The following SEMA5A variants were observed in gnomAD, a reference collection of about 807,000 sequenced individuals.
SEMA5A encodes the protein semaphorin 5A.
SEMA5A carries 55 observed loss-of-function variants against 135.5 expected under a neutral mutation model. The observed-to-expected ratio is 0.41, with a 90% confidence interval of 0.33 to 0.51. The LOEUF is 0.51. Ranked by LOEUF, SEMA5A falls within the 20% of genes least tolerant of loss-of-function variation. The probability of loss-of-function intolerance (pLI) is 0.37; values close to 1 mark genes in which losing one functional copy is unlikely to be tolerated. For missense variants in SEMA5A, 1,290 were observed against 1,419.9 expected (o/e 0.91, Z 1.47); for synonymous variants, 580 against 546.5 (o/e 1.06, Z -0.85).
chr5:9,463,242 C>G (rs577429671), intron 1 of SEMA5A, among the ~76,000 whole-genome samples: 168 of 152,082 alleles, frequency 1.1e-3, no homozygotes, highest in African/African-American at 4.0e-3. Flanking sequence ...ACAACGAATT[C>G]TAAATAAAAG....
intron 1 of SEMA5A, among the ~76,000 whole-genome samples, chr5:9,500,630 C>T (rs1265650146): frequency 2.0e-5 from 3 of 152,068 alleles, no homozygotes. Flanking sequence ...TACAGGACAC[C>T]CAGTTCAATT....
At chr5:9,510,988 G>T (rs1268083586) in intron 1 of SEMA5A, among the ~76,000 whole-genome samples, 1 of 152,062 alleles carries the variant, frequency 6.6e-6, no homozygotes, top group African/African-American at 2.4e-5. Flanking sequence ...GTTGTCTTAG[G>T]CCATTCAAAT....
intron 21 of SEMA5A, among the ~76,000 whole-genome samples, chr5:9,045,114 T>C (rs1436083043): frequency 1.3e-5 from 2 of 152,184 alleles, no homozygotes; most frequent in East Asian, 3.9e-4. Flanking sequence ...TTCATTCTCT[T>C]ATGAATGATA....
chr5:9,111,669 T>C lies in SEMA5A; in HGVS notation c.1926-3382A>G, dbSNP rs567808651. Among the ~76,000 whole-genome samples the C allele has an allele frequency of 6.6e-5, 10 of 152,236 alleles. No homozygotes were observed. The East Asian group carries it at 7.7e-4, about 12-fold the overall frequency. On this transcript the variant is annotated intron_variant, in intron 15 of 22. Coordinates refer to ENST00000382496, the MANE Select transcript of SEMA5A (RefSeq NM_003966.3). ...ACCCTCTGAAATTGCAGCCTCCCCA[T>C]TGAGAGAGGTCAGAGGGAAATAGAA...
At chr5:9,228,637 C>T (rs1747453400) in intron 6 of SEMA5A, among the ~76,000 whole-genome samples, 1 of 152,180 alleles carries the variant, frequency 6.6e-6, no homozygotes, top group African/African-American at 2.4e-5. Context: ...AGTCAGGAAG[C>T]CAAGGAGGAA....
At chr5:9,339,525 T>A (rs1388699017) in intron 3 of SEMA5A, among the ~76,000 whole-genome samples, 1 of 151,932 alleles carries the variant, frequency 6.6e-6, no homozygotes, top group African/African-American at 2.4e-5. Flanking sequence ...GCACATTGAA[T>A]GCGATAGGAA....
At position 9,361,347 on chromosome 5, in the gene SEMA5A, C is replaced by T. The variant is rs1437751157; in HGVS notation, c.124+18476G>A. Among the ~76,000 whole-genome samples, 4 of 151,606 alleles carry T rather than the reference C, an allele frequency of 2.6e-5. No individual in the cohort carries two copies. In the South Asian group the frequency reaches 8.3e-4, roughly 32 times the overall value. Reference sequence around the variant, plus strand: ...CAACAACAACAACAAAAACTCAATTCTATGCAGCATCACATACTTTCTTCC... The same window carrying T: ...CAACAACAACAACAAAAACTCAATTTTATGCAGCATCACATACTTTCTTCC... On this transcript the variant is annotated intron_variant, in intron 3 of 22. Transcript: ENST00000382496.
intron 2 of SEMA5A, among the ~76,000 whole-genome samples, chr5:9,391,635 G>A (rs115892820): frequency 0.011 from 1,697 of 152,078 alleles, 30 homozygotes; most frequent in African/African-American, 0.039. Flanking sequence ...AATGTATACC[G>A]CACCCCTGTC....
chr5:9,205,063 A>C (rs1266295496), intron 8 of SEMA5A, among the ~76,000 whole-genome samples: 1 of 152,194 alleles, frequency 6.6e-6, no homozygotes, highest in Non-Finnish European at 1.5e-5. Context: ...TTTAGGGACC[A>C]CTGCATTACA....
At chr5:9,416,178 C>G (rs1399721334) in intron 2 of SEMA5A, among the ~76,000 whole-genome samples, 1 of 152,190 alleles carries the variant, frequency 6.6e-6, no homozygotes, top group African/African-American at 2.4e-5. Flanking sequence ...TAAACTGACT[C>G]TCAATTCCCC....
intron 6 of SEMA5A, among the ~76,000 whole-genome samples, chr5:9,232,513 T>C (rs1457663573): frequency 1.3e-5 from 2 of 152,244 alleles, no homozygotes; most frequent in Non-Finnish European, 2.9e-5. Context: ...TATGTGTGTG[T>C]GTATAAAGGT....
At chr5:9,372,407 C>T (rs1391469083) in intron 3 of SEMA5A, among the ~76,000 whole-genome samples, 1 of 152,060 alleles carries the variant, frequency 6.6e-6, no homozygotes, top group Non-Finnish European at 1.5e-5. Flanking sequence ...TGTGGACGTG[C>T]ATGGAACCAT....
intron 5 of SEMA5A, among the ~76,000 whole-genome samples, chr5:9,239,776 T>C (rs1748102749): frequency 6.6e-6 from 1 of 152,086 alleles, no homozygotes; most frequent in East Asian, 1.9e-4. Context: ...AGGAAAACTA[T>C]ACAGTGAAAT....
At chr5:9,162,116 G>T (rs1205727538) in intron 11 of SEMA5A, among the ~76,000 whole-genome samples, 1 of 152,194 alleles carries the variant, frequency 6.6e-6, no homozygotes, top group East Asian at 1.9e-4. Flanking sequence ...TCATCTGTTT[G>T]CTTTGTAGAG....
At chr5:9,056,206 C>A (rs191566476) in intron 18 of SEMA5A, among the ~76,000 whole-genome samples, 267 of 152,118 alleles carry the variant, frequency 1.8e-3, no homozygotes, top group African/African-American at 6.1e-3. Context: ...GATGAATGGC[C>A]GACAAGTGTG....
intron 8 of SEMA5A, among the ~76,000 whole-genome samples, chr5:9,220,059 T>G (rs983813737): frequency 6.6e-6 from 1 of 152,172 alleles, no homozygotes. Flanking sequence ...TTGCATCAAC[T>G]TGGAAGGAGC....
chr5:9,247,737 A>G (rs571587559), intron 5 of SEMA5A, among the ~76,000 whole-genome samples: 1 of 152,294 alleles, frequency 6.6e-6, no homozygotes, highest in African/African-American at 2.4e-5. Flanking sequence ...CTTATTCAGC[A>G]TTATTTCCAT....
intron 11 of SEMA5A, among the ~76,000 whole-genome samples, chr5:9,167,582 G>C (rs895209253): frequency 6.6e-6 from 1 of 152,090 alleles, no homozygotes; most frequent in Admixed American, 6.5e-5. Context: ...TGCATATTCT[G>C]TGCCCTCTCC....
intron 2 of SEMA5A, among the ~76,000 whole-genome samples, chr5:9,394,893 TA>T (rs1756321860): frequency 6.6e-6 from 1 of 151,988 alleles, no homozygotes; most frequent in East Asian, 1.9e-4. Flanking sequence ...TGGAAAAAAA[TA>T]AAGTGCAGAC....
Sources: gnomAD v4.1 joint callset for allele counts (sites outside exome capture counted in the v4.1 genomes callset) on GRCh38, gnomAD v4.1.1 for gene constraint, MANE v1.5 for transcripts, NCBI Gene and HGNC (gene_info 2026-07-23, HGNC 2026-07-21) for gene names.